Variants in MTUS1 observed in about 807,000 individuals in gnomAD.
MTUS1 encodes microtubule associated scaffold protein 1.
A neutral mutation model predicts 120.8 loss-of-function variants in MTUS1; 109 were observed. The observed-to-expected ratio is 0.90, with a 90% CI of 0.77 to 1.06. The LOEUF is 1.06. Ranked by LOEUF, MTUS1 falls within the 50% of genes least tolerant of loss-of-function variation. The pLI is 0.00. For missense variants in MTUS1, 2,210 were observed against 1,486.3 expected, an observed-to-expected ratio of 1.49 and a Z score of -8.01; for synonymous variants, 737 against 550.5, an observed-to-expected ratio of 1.34 and a Z score of -4.74.
chr8:17,722,602 C>G, intron 4 of MTUS1: 13 of 984,410 alleles, frequency 1.3e-5, no homozygotes, highest in South Asian at 4.7e-5. Flanking sequence ...TGCTAGGTGA[C>G]CCGTCGGAAA....
chr8:17,721,661 A>G, intron 4 of MTUS1: 1 of 1,514,102 alleles, frequency 6.6e-7, no homozygotes, highest in Non-Finnish European at 8.8e-7. Context: ...TTTATTGAAT[A>G]AAAATTTAAG....
chr8:17,673,536 C>T (rs945538309), intron 8 of MTUS1, among the ~76,000 whole-genome samples: 12 of 152,136 alleles, frequency 7.9e-5, no homozygotes, highest in African/African-American at 2.4e-4. Context: ...ACTGCAGTCT[C>T]GAACTCCTGG....
intron 1 of MTUS1, among the ~76,000 whole-genome samples, chr8:17,797,031 G>T (rs1354078117): frequency 6.6e-6 from 1 of 152,130 alleles, no homozygotes; most frequent in Non-Finnish European, 1.5e-5. Flanking sequence ...AGAATCACTT[G>T]AACCTGAGAG....
intron 8 of MTUS1, among the ~76,000 whole-genome samples, chr8:17,664,619 C>A (rs1188886462): frequency 6.6e-6 from 1 of 151,946 alleles, no homozygotes; most frequent in Non-Finnish European, 1.5e-5. Flanking sequence ...CAGTACATAC[C>A]CATTACACTT....
intron 4 of MTUS1, chr8:17,721,761 C>A: frequency 6.2e-7 from 1 of 1,613,744 alleles, no homozygotes; most frequent in South Asian, 1.1e-5. Context: ...AAAGGCTGTA[C>A]GATCCCACGA....
At chr8:17,734,979 T>A (rs2046828439) in intron 3 of MTUS1, among the ~76,000 whole-genome samples, 1 of 151,932 alleles carries the variant, frequency 6.6e-6, no homozygotes. Context: ...AGTGGTGCAA[T>A]CATAGCTCAC....
intron 7 of MTUS1, among the ~76,000 whole-genome samples, chr8:17,683,100 G>A (rs965752034): frequency 2.6e-5 from 4 of 152,168 alleles, no homozygotes; most frequent in South Asian, 2.1e-4. Context: ...GTGAAACCCC[G>A]TCTCTACTAA....
At chr8:17,689,012 C>G (rs959758021) in intron 6 of MTUS1, among the ~76,000 whole-genome samples, 1 of 152,074 alleles carries the variant, frequency 6.6e-6, no homozygotes, top group Non-Finnish European at 1.5e-5. Context: ...GTGATTGAGA[C>G]CATTCTGGCT....
At chr8:17,796,730 A>T (rs1256634418) in intron 1 of MTUS1, among the ~76,000 whole-genome samples, 1 of 152,200 alleles carries the variant, frequency 6.6e-6, no homozygotes, top group Non-Finnish European at 1.5e-5. Flanking sequence ...AAATTCAAAG[A>T]TTACTGAGGG....
In MTUS1 at chr8:17,755,676, C is replaced by T; in HGVS notation, c.132G>A (p.Val44=). ...CATCTGGGTTGGCAGAATTCCAGTTCACACTGCTGGCTGAAGAGTTTTGTG... is the reference window on the plus strand; with the variant it reads ...CATCTGGGTTGGCAGAATTCCAGTTTACACTGCTGGCTGAAGAGTTTTGTG... ...PPTQNSSASS[V]NWNSANPDDM... Residue 44 remains valine (V), a synonymous_variant, in exon 2 of 15, where the codon GTG becomes GTA. Transcript: ENST00000693296. The T allele has an allele frequency of 6.2e-7, 1 of 1,614,198 alleles. No individual in the cohort carries two copies. The highest frequency in any genetic ancestry group is 8.5e-7 in the Non-Finnish European group (1 of 1,180,028).
At chr8:17,756,336 G>T (rs567662229) in intron 1 of MTUS1, among the ~76,000 whole-genome samples, 5 of 152,172 alleles carry the variant, frequency 3.3e-5, no homozygotes, top group Admixed American at 1.3e-4. Flanking sequence ...ATTTGCTTAT[G>T]ACAGTCCCAA....
intron 1 of MTUS1, among the ~76,000 whole-genome samples, chr8:17,767,530 C>CT (rs1215180786): frequency 8.8e-6 from 1 of 113,506 alleles, no homozygotes; most frequent in Non-Finnish European, 2.1e-5. Flanking sequence ...AACCCCATCT[C>CT]TTTAAAAAAA....
chr8:17,750,697 G>C (rs1434339300), intron 2 of MTUS1, among the ~76,000 whole-genome samples: 1 of 152,130 alleles, frequency 6.6e-6, no homozygotes, highest in African/African-American at 2.4e-5. Context: ...GAGCGTTACA[G>C]GGCCCATTAA....
intron 4 of MTUS1, among the ~76,000 whole-genome samples, chr8:17,718,695 C>T (rs1442869308): frequency 1.3e-5 from 2 of 151,984 alleles, no homozygotes; most frequent in Non-Finnish European, 2.9e-5. Context: ...GCCCCTTTGT[C>T]ATCTTTGGTC....
chr8:17,734,521 C>T (rs1027782689), intron 3 of MTUS1, among the ~76,000 whole-genome samples: 4 of 152,194 alleles, frequency 2.6e-5, no homozygotes, highest in African/African-American at 7.2e-5. Context: ...GCAGCATTCT[C>T]GGTGATGCTG....
intron 1 of MTUS1, among the ~76,000 whole-genome samples, chr8:17,780,357 T>A (rs1483436313): frequency 6.6e-6 from 1 of 152,176 alleles, no homozygotes; most frequent in Non-Finnish European, 1.5e-5. Flanking sequence ...CAATTAAACC[T>A]CTTTTCTTTA....
intron 6 of MTUS1, among the ~76,000 whole-genome samples, chr8:17,686,989 A>G (rs1448132132): frequency 1.3e-5 from 2 of 152,230 alleles, no homozygotes; most frequent in African/African-American, 4.8e-5. Context: ...ATACTTAGCT[A>G]TGAAGGAAAT....
chr8:17,651,528 A>ATTTTTTTT (rs72238040), intron 12 of MTUS1: 1 of 141,090 alleles, frequency 7.1e-6, no homozygotes. Flanking sequence ...TGTACGCAGG[A>ATTTTTTTT]TTTTTTTTTT....
At chr8:17,799,852 T>G (rs1027073368) in intron 1 of MTUS1, among the ~76,000 whole-genome samples, 1 of 152,208 alleles carries the variant, frequency 6.6e-6, no homozygotes, top group Admixed American at 6.5e-5. Flanking sequence ...ATTCCACTTC[T>G]AAGGTTTTTT....
Sources: gnomAD v4.1 joint callset for allele counts (sites outside exome capture counted in the v4.1 genomes callset) on GRCh38, gnomAD v4.1.1 for gene constraint, MANE v1.5 for transcripts, NCBI Gene and HGNC (gene_info 2026-07-23, HGNC 2026-07-21) for gene names.